The following NUBPL variants were observed in gnomAD, a reference collection of about 807,000 sequenced individuals.
NUBPL encodes the protein NUBP iron-sulfur cluster assembly factor, mitochondrial.
In NUBPL, 31 loss-of-function variants were observed where a neutral mutation model predicts 45.7. The ratio of observed to expected loss-of-function variants is 0.68; its 90% CI spans 0.51 to 0.92. The LOEUF (loss-of-function observed/expected upper bound fraction) is 0.92, where lower values mean the gene tolerates loss of function less well. NUBPL is among the 40% of genes least tolerant of loss of function. The pLI, the probability that NUBPL is intolerant of heterozygous loss-of-function variation, is 0.00. For missense variants in NUBPL, 401 were observed against 398.7 expected (o/e 1.01, Z -0.05); for synonymous variants, 144 against 140.9 (o/e 1.02, Z -0.15).
At chr14:31,736,715 C>G (rs2038173861) in intron 6 of NUBPL, among the ~76,000 whole-genome samples, 1 of 152,080 alleles carries the variant, frequency 6.6e-6, no homozygotes, top group South Asian at 2.1e-4. Context: ...TGTGTATATA[C>G]CTAGAAATGT....
intron 7 of NUBPL, among the ~76,000 whole-genome samples, chr14:31,823,001 TA>T (rs1566583080): frequency 1.3e-5 from 2 of 152,134 alleles, no homozygotes; most frequent in African/African-American, 2.4e-5. Context: ...ATAAAACTTT[TA>T]TTTTTTTAAT....
intron 4 of NUBPL, among the ~76,000 whole-genome samples, chr14:31,612,829 C>A (rs992945819): frequency 2.0e-5 from 3 of 151,996 alleles, no homozygotes; most frequent in African/African-American, 7.3e-5. Context: ...GAAAGGGAAC[C>A]CTTGTATACT....
chr14:31,825,822 C>A (rs938884144), intron 7 of NUBPL, among the ~76,000 whole-genome samples: 7 of 150,404 alleles, frequency 4.7e-5, no homozygotes, highest in East Asian at 1.9e-4. Flanking sequence ...CCTCCTCCTT[C>A]TTCTTCTTCT....
At chr14:31,697,128 A>G (rs1488715359) in intron 6 of NUBPL, among the ~76,000 whole-genome samples, 1 of 152,242 alleles carries the variant, frequency 6.6e-6, no homozygotes, top group East Asian at 1.9e-4. Flanking sequence ...ACCAGAGGAA[A>G]GTAATGAAAT....
At chr14:31,801,620 G>C (rs1223272559) in intron 7 of NUBPL, among the ~76,000 whole-genome samples, 2 of 152,154 alleles carry the variant, frequency 1.3e-5, no homozygotes, top group Admixed American at 1.3e-4. Context: ...AGCATATTTT[G>C]TGTAATGGGG....
At chr14:31,694,584 C>T (rs765187475) in intron 6 of NUBPL, among the ~76,000 whole-genome samples, 46 of 152,158 alleles carry the variant, frequency 3.0e-4, no homozygotes, top group Admixed American at 6.5e-4. Flanking sequence ...GGCGTGATCT[C>T]AGCTCACTGC....
chr14:31,730,815 A>C (rs181083409), intron 6 of NUBPL, among the ~76,000 whole-genome samples: 2 of 152,272 alleles, frequency 1.3e-5, no homozygotes, highest in East Asian at 3.9e-4. Flanking sequence ...TAGTTTTTCC[A>C]AGCTGTAGCA....
chr14:31,568,527 A>G (rs2033497620), intron 3 of NUBPL, among the ~76,000 whole-genome samples: 1 of 152,254 alleles, frequency 6.6e-6, no homozygotes, highest in Non-Finnish European at 1.5e-5. Context: ...TATTTCAGAA[A>G]AATTGGATTC....
intron 3 of NUBPL, among the ~76,000 whole-genome samples, chr14:31,584,951 C>CGGA (rs1176865553): frequency 1.3e-5 from 2 of 152,174 alleles, no homozygotes; most frequent in African/African-American, 4.8e-5. Context: ...GAGGCCTCCA[C>CGGA]CCTCATGGCC....
At chr14:31,858,687 TC>T (rs1018980622) in intron 10 of NUBPL, among the ~76,000 whole-genome samples, 5 of 152,136 alleles carry the variant, frequency 3.3e-5, no homozygotes, top group African/African-American at 1.2e-4. Context: ...GAAAATGCTT[TC>T]CTAAGATAAA....
Position 31,667,488 on chromosome 14 carries a change from G to T in NUBPL, c.383-5867G>T, listed in dbSNP as rs2036461938. Among the ~76,000 whole-genome samples the T allele has an allele frequency of 1.3e-5, 2 of 151,704 alleles. 1 individual carries two copies. The highest frequency in any genetic ancestry group is 4.2e-4 in the South Asian group (2 of 4,804). On this transcript the variant is annotated intron_variant, in intron 4 of 10. Coordinates refer to ENST00000281081, the MANE Select transcript of NUBPL (RefSeq NM_025152.3). Reference sequence around the variant, plus strand: ...AAGGTTCTTAGCTTCCTTCCATTGGGTTAGAACATGCTCCTTTAGCTCAAA... The same window carrying T: ...AAGGTTCTTAGCTTCCTTCCATTGGTTTAGAACATGCTCCTTTAGCTCAAA...
intron 6 of NUBPL, among the ~76,000 whole-genome samples, chr14:31,772,221 C>T (rs2138766392): frequency 6.6e-6 from 1 of 152,194 alleles, no homozygotes; most frequent in East Asian, 1.9e-4. Flanking sequence ...TAGGTTAATA[C>T]AGTGATTGAT....
chr14:31,700,494 G>A (rs1228170648), intron 6 of NUBPL, among the ~76,000 whole-genome samples: 1 of 152,176 alleles, frequency 6.6e-6, no homozygotes, highest in Non-Finnish European at 1.5e-5. Context: ...GCCCCTCTCT[G>A]GGCTGGCCAA....
chr14:31,799,586 C>G (rs1430431), intron 7 of NUBPL, among the ~76,000 whole-genome samples: 51,264 of 152,078 alleles, frequency 0.34, 8,943 homozygotes, highest in South Asian at 0.41. Flanking sequence ...TTTGGTTTCT[C>G]AGTACATACA....
chr14:31,852,464 A>ATCAACCT (rs1469117375), intron 10 of NUBPL, among the ~76,000 whole-genome samples: 5 of 152,072 alleles, frequency 3.3e-5, no homozygotes, highest in African/African-American at 1.2e-4. Context: ...CGAGGTCAGG[A>ATCAACCT]GTTTGAGATC....
chr14:31,601,583 T>G (rs911936142), intron 4 of NUBPL, among the ~76,000 whole-genome samples: 4 of 152,072 alleles, frequency 2.6e-5, no homozygotes, highest in African/African-American at 9.7e-5. Flanking sequence ...GCGAAGGACA[T>G]GAACAGACAC....
intron 10 of NUBPL, among the ~76,000 whole-genome samples, chr14:31,850,680 G>T (rs2040524774): frequency 6.6e-6 from 1 of 151,876 alleles, no homozygotes; most frequent in African/African-American, 2.4e-5. Flanking sequence ...GAGTACAATT[G>T]TGCGATCCCA....
chr14:31,637,247 C>A (rs1360897698), intron 4 of NUBPL, among the ~76,000 whole-genome samples: 1 of 152,220 alleles, frequency 6.6e-6, no homozygotes, highest in Non-Finnish European at 1.5e-5. Flanking sequence ...TTTCCCTCTA[C>A]ATACTGCTTT....
intron 6 of NUBPL, among the ~76,000 whole-genome samples, chr14:31,676,849 A>G (rs921351662): frequency 3.3e-5 from 5 of 151,812 alleles, no homozygotes; most frequent in Non-Finnish European, 7.4e-5. Flanking sequence ...CAGGTAATAG[A>G]TATTGGGAGT....
Sources: allele counts gnomAD v4.1 joint callset (sites outside exome capture counted in the v4.1 genomes callset), GRCh38; gene constraint gnomAD v4.1.1; transcripts MANE v1.5; gene names NCBI Gene and HGNC (gene_info 2026-07-23, HGNC 2026-07-21).